GRM7: variants seen among roughly 807,000 people sequenced by gnomAD.
GRM7 encodes metabotropic glutamate receptor 7.
In GRM7, 35 loss-of-function variants were observed where a neutral mutation model predicts 84.5. The observed-to-expected ratio is 0.41, with a 90% CI of 0.32 to 0.55. The LOEUF (loss-of-function observed/expected upper bound fraction) is 0.55, where lower values mean the gene tolerates loss of function less well. Ranked by LOEUF, GRM7 falls within the 20% of genes least tolerant of loss-of-function variation. The pLI is 0.19. For missense variants in GRM7, 1,003 were observed against 1,194.6 expected (o/e 0.84, Z 2.36); for synonymous variants, 487 against 455.1 (o/e 1.07, Z -0.89).
intron 4 of GRM7, among the ~76,000 whole-genome samples, chr3:7,337,940 C>T (rs1302646715): frequency 6.6e-6 from 1 of 151,734 alleles, no homozygotes; most frequent in Non-Finnish European, 1.5e-5. Flanking sequence ...ATGAAAAAGA[C>T]AGTTGCACAT....
chr3:7,565,016 A>G (rs1035733793), intron 7 of GRM7, among the ~76,000 whole-genome samples: 1 of 152,188 alleles, frequency 6.6e-6, no homozygotes, highest in African/African-American at 2.4e-5. Context: ...TCCTCCACCT[A>G]GTAACTGAGT....
chr3:7,633,904 G>A (rs1181655507), intron 8 of GRM7, among the ~76,000 whole-genome samples: 8 of 151,950 alleles, frequency 5.3e-5, no homozygotes, highest in Admixed American at 4.6e-4. Context: ...TTGACCTTGG[G>A]GTGTACAAAT....
chr3:7,737,315 T>C (rs1702537418), intron 9 of GRM7, among the ~76,000 whole-genome samples: 1 of 152,190 alleles, frequency 6.6e-6, no homozygotes, highest in African/African-American at 2.4e-5. Context: ...ATACCTTGTT[T>C]TGAGAACTAC....
intron 1 of GRM7, among the ~76,000 whole-genome samples, chr3:6,891,745 C>T (rs948429105): frequency 1.6e-4 from 25 of 152,028 alleles, no homozygotes; most frequent in Middle Eastern, 3.2e-3. Context: ...ATCTTTGTGG[C>T]GTTCTCTGTA....
At chr3:7,574,347 G>A (rs2062367) in intron 7 of GRM7, among the ~76,000 whole-genome samples, 47,633 of 151,738 alleles carry the variant, frequency 0.31, 7,879 homozygotes, top group African/African-American at 0.42. Context: ...GTTAGTAGAG[G>A]CAGGGTTTCA....
At chr3:7,498,320 G>A (rs995066224) in intron 7 of GRM7, among the ~76,000 whole-genome samples, 5 of 152,166 alleles carry the variant, frequency 3.3e-5, no homozygotes, top group Non-Finnish European at 7.3e-5. Context: ...TTAGAGTTGG[G>A]GACAGTAATT....
chr3:7,433,638 T>C (rs1375527433), intron 5 of GRM7, among the ~76,000 whole-genome samples: 1 of 152,250 alleles, frequency 6.6e-6, no homozygotes, highest in Non-Finnish European at 1.5e-5. Flanking sequence ...CTATAGGTCA[T>C]GATCCAAGTA....
intron 7 of GRM7, among the ~76,000 whole-genome samples, chr3:7,550,063 T>G (rs913565378): frequency 2.0e-5 from 3 of 152,050 alleles, no homozygotes; most frequent in African/African-American, 7.2e-5. Flanking sequence ...TTACATAAAG[T>G]ATAGTGTAAT....
At chr3:7,430,212 A>C (rs558142799) in intron 5 of GRM7, among the ~76,000 whole-genome samples, 1 of 152,340 alleles carries the variant, frequency 6.6e-6, no homozygotes, top group Admixed American at 6.5e-5. Context: ...AGCCTATAGA[A>C]TCTTTTTTGA....
intron 1 of GRM7, among the ~76,000 whole-genome samples, chr3:7,120,721 C>T (rs1693189143): frequency 6.6e-6 from 1 of 152,130 alleles, no homozygotes; most frequent in African/African-American, 2.4e-5. Flanking sequence ...GCTTAAATTA[C>T]TTGGATAGAA....
intron 4 of GRM7, among the ~76,000 whole-genome samples, chr3:7,359,255 T>TGTGTGTGTG (rs754428287): frequency 4.4e-5 from 6 of 136,506 alleles, no homozygotes; most frequent in Non-Finnish European, 6.3e-5. Flanking sequence ...TGTGTGTGTG[T>TGTGTGTGTG]TGTGGTTTTA....
intron 1 of GRM7, among the ~76,000 whole-genome samples, chr3:6,950,341 G>A (rs1304180050): frequency 1.3e-5 from 2 of 152,158 alleles, no homozygotes; most frequent in African/African-American, 2.4e-5. Context: ...TGTTTGCCTG[G>A]GTATCAGCAG....
At chr3:7,562,079 A>G (rs1694049064) in intron 7 of GRM7, among the ~76,000 whole-genome samples, 1 of 152,148 alleles carries the variant, frequency 6.6e-6, no homozygotes, top group African/African-American at 2.4e-5. Context: ...TCTCCAATTC[A>G]TCATTGGATA....
At chr3:7,121,121 T>A (rs1693202069) in intron 1 of GRM7, among the ~76,000 whole-genome samples, 1 of 152,134 alleles carries the variant, frequency 6.6e-6, no homozygotes, top group Admixed American at 6.5e-5. Flanking sequence ...GATGAAAGAG[T>A]ATTATCATGA....
chr3:6,876,799 A>G (rs988519840), intron 1 of GRM7, among the ~76,000 whole-genome samples: 4 of 151,884 alleles, frequency 2.6e-5, no homozygotes, highest in African/African-American at 9.7e-5. Flanking sequence ...ACGGGGTTTC[A>G]CTATATTGGC....
chr3:7,300,786 G>A (rs1368140269), intron 3 of GRM7, among the ~76,000 whole-genome samples: 2 of 151,918 alleles, frequency 1.3e-5, no homozygotes, highest in Non-Finnish European at 2.9e-5. Flanking sequence ...CAGTTTCATT[G>A]TTTATGTGAA....
intron 1 of GRM7, among the ~76,000 whole-genome samples, chr3:6,869,636 A>G (rs1470769827): frequency 3.3e-5 from 4 of 122,620 alleles, no homozygotes. Context: ...AAAAGAGAGA[A>G]CAGTGAGACA....
At chr3:7,276,793 T>TCCTCCCTCCCTCCTC (rs1553641241) in intron 2 of GRM7, among the ~76,000 whole-genome samples, 1 of 3,312 alleles carries the variant, frequency 3.0e-4, no homozygotes, top group Non-Finnish European at 7.2e-4. Context: ...CTTCCTTCCT[T>TCCTCCCTCCCTCCTC]CCTTCCTTCC....
chr3:6,884,354 A>C (rs1695616872), intron 1 of GRM7: 1 of 152,664 alleles, frequency 6.6e-6, no homozygotes, highest in South Asian at 2.1e-4. Context: ...TTGTATGATC[A>C]GCAAGTTAAA....
Sources: gnomAD v4.1 joint callset for allele counts (sites outside exome capture counted in the v4.1 genomes callset) on GRCh38, gnomAD v4.1.1 for gene constraint, MANE v1.5 for transcripts, NCBI Gene and HGNC (gene_info 2026-07-23, HGNC 2026-07-21) for gene names.